Variants in CDH18 observed in about 807,000 individuals in gnomAD.
CDH18 encodes the protein cadherin 18.
Under a neutral mutation model 67.9 loss-of-function variants are expected in CDH18, and 31 were observed. The observed-to-expected ratio is 0.46, with a 90% CI of 0.34 to 0.62. The LOEUF is 0.62. Among genes scored for constraint, CDH18 ranks in the 20% least tolerant of loss-of-function variants. The probability of loss-of-function intolerance (pLI) is 0.01; values close to 1 mark genes in which losing one functional copy is unlikely to be tolerated. For synonymous variants in CDH18, 362 were observed against 347.2 expected, an observed-to-expected ratio of 1.04 and a Z score of -0.48; for missense variants, 890 against 975.5, an observed-to-expected ratio of 0.91 and a Z score of 1.17.
At chr5:20,089,713 T>C (rs1745264069) in intron 2 of CDH18, among the ~76,000 whole-genome samples, 2 of 152,152 alleles carry the variant, frequency 1.3e-5, no homozygotes, top group Non-Finnish European at 2.9e-5. Context: ...ATGGCAATTT[T>C]ATTGTTAAAA....
At chr5:19,920,349 G>C (rs907443482) in intron 2 of CDH18, among the ~76,000 whole-genome samples, 1 of 152,056 alleles carries the variant, frequency 6.6e-6, no homozygotes, top group Non-Finnish European at 1.5e-5. Context: ...AGTAGGACTT[G>C]AAAACTGGAT....
chr5:20,511,511 C>T (rs1276285395), intron 1 of CDH18, among the ~76,000 whole-genome samples: 1 of 152,054 alleles, frequency 6.6e-6, no homozygotes, highest in African/African-American at 2.4e-5. Flanking sequence ...GAGGCATAGG[C>T]AAATATATCT....
At chr5:20,055,081 T>C (rs912497064) in intron 2 of CDH18, among the ~76,000 whole-genome samples, 2 of 152,226 alleles carry the variant, frequency 1.3e-5, no homozygotes, top group Non-Finnish European at 2.9e-5. Flanking sequence ...AGTCATTTTT[T>C]TTTCCTTATT....
At chr5:20,306,800 A>G (rs1014829677) in intron 1 of CDH18, among the ~76,000 whole-genome samples, 6 of 152,164 alleles carry the variant, frequency 3.9e-5, no homozygotes, top group African/African-American at 1.2e-4. Context: ...AGTGATTGAT[A>G]TATTACTTTC....
chr5:20,562,743 C>A (rs568427445), intron 1 of CDH18, among the ~76,000 whole-genome samples: 3 of 151,522 alleles, frequency 2.0e-5, no homozygotes, highest in African/African-American at 7.3e-5. Context: ...AACATTATTG[C>A]GTAACTTTCT....
intron 3 of CDH18, among the ~76,000 whole-genome samples, chr5:19,772,016 G>C (rs182732322): frequency 1.3e-5 from 2 of 152,228 alleles, no homozygotes; most frequent in East Asian, 3.9e-4. Context: ...TAATGAATGT[G>C]CAAATTATTT....
intron 1 of CDH18, among the ~76,000 whole-genome samples, chr5:20,298,167 G>A (rs1203138835): frequency 6.6e-6 from 1 of 151,512 alleles, no homozygotes; most frequent in Non-Finnish European, 1.5e-5. Context: ...TTTTTGCATA[G>A]GGAAAAAAAA....
At chr5:19,797,017 T>G (rs2149833474) in intron 3 of CDH18, among the ~76,000 whole-genome samples, 1 of 152,026 alleles carries the variant, frequency 6.6e-6, no homozygotes, top group Non-Finnish European at 1.5e-5. Flanking sequence ...AAATGTAAGA[T>G]ATATAATAAA....
intron 2 of CDH18, among the ~76,000 whole-genome samples, chr5:20,223,848 C>T (rs1741411544): frequency 6.6e-6 from 1 of 152,112 alleles, no homozygotes; most frequent in Non-Finnish European, 1.5e-5. Context: ...ATTCACCTTC[C>T]ACCATGATTG....
chr5:19,480,779 C>T (rs1182242963), intron 12 of CDH18, among the ~76,000 whole-genome samples: 4 of 152,050 alleles, frequency 2.6e-5, no homozygotes, highest in Non-Finnish European at 4.4e-5. Flanking sequence ...GAGACAGAGT[C>T]TCACTCTGTC....
chr5:19,960,615 A>G (rs999588339), intron 2 of CDH18, among the ~76,000 whole-genome samples: 1 of 133,960 alleles, frequency 7.5e-6, no homozygotes, highest in Non-Finnish European at 1.5e-5. Flanking sequence ...ACACACGTGT[A>G]TATATATACA....
intron 2 of CDH18, among the ~76,000 whole-genome samples, chr5:20,059,658 G>A (rs956479183): frequency 1.3e-5 from 2 of 152,114 alleles, no homozygotes; most frequent in Non-Finnish European, 2.9e-5. Context: ...AAAGATACAT[G>A]CACACGTATG....
chr5:20,135,706 C>T (rs1305668467), intron 2 of CDH18, among the ~76,000 whole-genome samples: 1 of 152,072 alleles, frequency 6.6e-6, no homozygotes, highest in Non-Finnish European at 1.5e-5. Context: ...TTAGATCTTT[C>T]CTGCTTTCTC....
intron 1 of CDH18, among the ~76,000 whole-genome samples, chr5:20,418,827 T>C (rs541248376): frequency 1.3e-5 from 2 of 152,244 alleles, no homozygotes; most frequent in African/African-American, 2.4e-5. Flanking sequence ...CACGTCCTAA[T>C]GTGATAGTGT....
chr5:19,769,927 T>C (rs946497735), intron 3 of CDH18, among the ~76,000 whole-genome samples: 3 of 151,780 alleles, frequency 2.0e-5, no homozygotes, highest in African/African-American at 7.2e-5. Flanking sequence ...AATGCAGAAT[T>C]TGAGTACACA....
intron 7 of CDH18, among the ~76,000 whole-genome samples, chr5:19,577,607 T>C (rs1218280464): frequency 1.3e-5 from 2 of 152,014 alleles, no homozygotes; most frequent in East Asian, 1.9e-4. Context: ...ATTAAGATAA[T>C]GAGATTTAGA....
At chr5:20,419,124 ATAGT>A (rs1433040922) in intron 1 of CDH18, among the ~76,000 whole-genome samples, 21 of 151,932 alleles carry the variant, frequency 1.4e-4, no homozygotes, top group Non-Finnish European at 1.9e-4. Flanking sequence ...TATTCTCTTG[ATAGT>A]TAGTAAGTCT....
At chr5:20,508,397 A>G (rs1386806418) in intron 1 of CDH18, among the ~76,000 whole-genome samples, 1 of 144,376 alleles carries the variant, frequency 6.9e-6, no homozygotes, top group East Asian at 2.0e-4. Flanking sequence ...TTTGCTGATA[A>G]GCTATAGTAG....
At chr5:19,730,317 A>G (rs1056538914) in intron 4 of CDH18, among the ~76,000 whole-genome samples, 10 of 152,230 alleles carry the variant, frequency 6.6e-5, no homozygotes, top group Admixed American at 6.5e-4. Flanking sequence ...CACAGAAGGT[A>G]TTAACAGATT....
Sources: gnomAD v4.1 joint callset for allele counts (sites outside exome capture counted in the v4.1 genomes callset) on GRCh38, gnomAD v4.1.1 for gene constraint, MANE v1.5 for transcripts, NCBI Gene and HGNC (gene_info 2026-07-23, HGNC 2026-07-21) for gene names.